MYO10: variants seen among roughly 807,000 people sequenced by gnomAD.
The protein encoded by MYO10 is myosin X, also known as unconventional myosin-X.
In MYO10, 133 loss-of-function variants were observed where a neutral mutation model predicts 257.3. That is an observed-to-expected ratio of 0.52 (90% CI 0.45 to 0.60). MYO10 has a LOEUF of 0.60. Among genes scored for constraint, MYO10 ranks in the 20% least tolerant of loss-of-function variants. The pLI, the probability that MYO10 is intolerant of heterozygous loss-of-function variation, is 0.00. For missense variants in MYO10, 2,399 were observed against 2,635.7 expected (o/e 0.91, Z 1.97); for synonymous variants, 1,104 against 1,028.6 (o/e 1.07, Z -1.40).
At chr5:16,751,562 A>G (rs916944998) in intron 19 of MYO10, among the ~76,000 whole-genome samples, 1 of 151,958 alleles carries the variant, frequency 6.6e-6, no homozygotes, top group African/African-American at 2.4e-5. Flanking sequence ...GCTCATGGCA[A>G]CCACCACCTC....
chr5:16,835,420 C>A (rs1314183808), intron 2 of MYO10, among the ~76,000 whole-genome samples: 35 of 150,788 alleles, frequency 2.3e-4, no homozygotes, highest in Admixed American at 2.3e-3. Context: ...GTAATCCCAG[C>A]TACTCGGGAA....
intron 19 of MYO10, among the ~76,000 whole-genome samples, chr5:16,731,895 T>C (rs996072378): frequency 1.3e-5 from 2 of 152,170 alleles, no homozygotes; most frequent in Non-Finnish European, 1.5e-5. Context: ...AGAACTCATT[T>C]TTTAGTATGC....
In MYO10 at chr5:16,699,500, A is replaced by G; in HGVS notation, c.3506T>C (p.Val1169Ala). ...ATACGGCAGAGTGACACAGCTGTAC[A>G]CAGAGTCACGCCGGTATGAAAGCTC... ...DDELSYRRDS[V>A]YSCVTLPYFH... The change falls in exon 26 of 41, where the codon GTG (valine) becomes GCG (alanine). Residue 1169 changes from valine to alanine, a missense_variant. This residue lies in a region of MYO10 where 1,820 missense variants were observed against 1,939.4 expected (regional missense o/e 0.94). Transcript: ENST00000513610. 1 of 1,613,914 alleles carries G rather than the reference A, an allele frequency of 6.2e-7. No homozygotes were observed. Among genetic ancestry groups the G allele is most frequent in the Non-Finnish European group, 8.5e-7 (1 of 1,179,862 alleles).
chr5:16,816,960 C>T (rs1245534798), intron 3 of MYO10, among the ~76,000 whole-genome samples: 2 of 152,298 alleles, frequency 1.3e-5, no homozygotes, highest in East Asian at 3.9e-4. Context: ...GCCGGGATTA[C>T]AGGCATGTGC....
intron 2 of MYO10, among the ~76,000 whole-genome samples, chr5:16,870,742 A>G (rs879300405): frequency 6.6e-6 from 1 of 152,046 alleles, no homozygotes; most frequent in Non-Finnish European, 1.5e-5. Context: ...AAAATACAAA[A>G]TTAGCCGGGC....
chr5:16,777,867 T>TTTTTA (rs1741270306), intron 9 of MYO10, among the ~76,000 whole-genome samples: 1 of 121,256 alleles, frequency 8.2e-6, no homozygotes, highest in African/African-American at 3.1e-5. Flanking sequence ...TTTTTTTTTT[T>TTTTTA]GAGACGGAGT....
chr5:16,864,702 A>C (rs1399038523), intron 2 of MYO10, among the ~76,000 whole-genome samples: 1 of 152,218 alleles, frequency 6.6e-6, no homozygotes, highest in Non-Finnish European at 1.5e-5. Context: ...GTGCGCTAAT[A>C]AACAAGCAGA....
At position 16,766,856 on chromosome 5, in the gene MYO10, G is replaced by A. The variant is rs1268058424; in HGVS notation, c.1061-658C>T. 4.9e-5 allele frequency among the ~76,000 whole-genome samples: 7 copies of A among 144,100 alleles called. No individual in the cohort carries two copies. The South Asian group carries it at 6.7e-4, about 14-fold the overall frequency. The allele number at this position is 144,100 out of a possible 152,430, so 94.5% of individuals were successfully genotyped here. On this transcript the variant is annotated intron_variant, in intron 10 of 40. Transcript: ENST00000513610. ...ATGATCTCAGCTCACTGCAACCTCC[G>A]CCTCCCTGGTTCAGATGATTCTCCT... is the stretch of plus-strand genomic sequence containing the variant.
At chr5:16,697,032 A>T (rs17616729) in intron 26 of MYO10, among the ~76,000 whole-genome samples, 29,476 of 151,990 alleles carry the variant, frequency 0.19, 3,023 homozygotes, top group East Asian at 0.29. Flanking sequence ...TATTGGATCA[A>T]AGGTTCTGAT....
chr5:16,925,378 C>A (rs1416204548), intron 1 of MYO10, among the ~76,000 whole-genome samples: 4 of 152,182 alleles, frequency 2.6e-5, no homozygotes, highest in Non-Finnish European at 5.9e-5. Context: ...AAACATTTCA[C>A]ATAGACCATT....
chr5:16,800,746 T>C (rs759359975), intron 3 of MYO10, among the ~76,000 whole-genome samples: 1 of 152,186 alleles, frequency 6.6e-6, no homozygotes, highest in Non-Finnish European at 1.5e-5. Flanking sequence ...CCCGTGGCTG[T>C]GTTGGAAGGA....
chr5:16,674,798 C>T (rs1368692408), intron 35 of MYO10, 55 bp downstream of exon 35: 5 of 1,589,028 alleles, frequency 3.1e-6, no homozygotes, highest in Non-Finnish European at 3.4e-6. Flanking sequence ...GGACCCAGTG[C>T]CCCACCTGTG....
At position 16,784,657 on chromosome 5, in the gene MYO10, G is replaced by A. The variant is rs1483061484; in HGVS notation, c.468-1188C>T. ...AGCACAGCCATACAAACGCCATCAC[G>A]AGGCAGCACGCTGACAACCGCTGAA... On this transcript the variant is annotated intron_variant, in intron 4 of 40. Transcript: ENST00000513610. Among the ~76,000 whole-genome samples the A allele has an allele frequency of 2.6e-5, 4 of 152,220 alleles. No individual in the cohort carries two copies. The South Asian group carries it at 6.2e-4, about 24-fold the overall frequency.
At chr5:16,904,374 T>A (rs1314802692) in intron 1 of MYO10, among the ~76,000 whole-genome samples, 1 of 152,062 alleles carries the variant, frequency 6.6e-6, no homozygotes, top group African/African-American at 2.4e-5. Context: ...GCAAATTAAC[T>A]GAAACCCAGG....
At chr5:16,833,217 GTTT>G (rs60623939) in intron 2 of MYO10, among the ~76,000 whole-genome samples, 186 of 143,712 alleles carry the variant, frequency 1.3e-3, no homozygotes, top group East Asian at 0.011. Flanking sequence ...TACTAGGTTT[GTTT>G]TTTTTTTTTT....
rs570170494 is a variant in MYO10, at chr5:16,755,741, T to A, written c.1849-833A>T. Among the ~76,000 whole-genome samples the A allele has an allele frequency of 4.1e-3, 615 of 149,166 alleles. 4 individuals carry two copies. The highest frequency in any genetic ancestry group is 0.015 in the African/African-American group (583 of 40,112). Reference sequence around the variant, plus strand: ...CCAACTTTTTTTTTTTTTTTTTTTTTAGAGTTTTTAACATTTACCAAAGCA... The same window carrying A: ...CCAACTTTTTTTTTTTTTTTTTTTTAAGAGTTTTTAACATTTACCAAAGCA... On this transcript the variant is annotated intron_variant, in intron 18 of 40. Transcript: ENST00000513610.
At chr5:16,813,692 CACAGGTG>C (rs1313075908) in intron 3 of MYO10, among the ~76,000 whole-genome samples, 1 of 152,170 alleles carries the variant, frequency 6.6e-6, no homozygotes, top group Non-Finnish European at 1.5e-5. Context: ...AGGGGCTCTG[CACAGGTG>C]ATTATGGTTA....
chr5:16,704,146 C>A (rs891809864), intron 22 of MYO10, among the ~76,000 whole-genome samples: 2 of 151,672 alleles, frequency 1.3e-5, no homozygotes, highest in African/African-American at 4.8e-5. Flanking sequence ...CATGAAGTGA[C>A]CCATCTCTAA....
intron 1 of MYO10, among the ~76,000 whole-genome samples, chr5:16,892,922 A>G (rs1162540177): frequency 2.0e-5 from 3 of 152,184 alleles, no homozygotes; most frequent in South Asian, 2.1e-4. Context: ...CAGGCCAGGC[A>G]CGGTGGCTCA....
Sources: allele counts gnomAD v4.1 joint callset (sites outside exome capture counted in the v4.1 genomes callset), GRCh38; gene constraint gnomAD v4.1.1; regional missense constraint gnomAD v4.1.1; transcripts MANE v1.5; gene names NCBI Gene and HGNC (gene_info 2026-07-23, HGNC 2026-07-21).